Variants in INO80 observed in about 807,000 individuals in gnomAD.
INO80 encodes INO80 complex ATPase subunit.
INO80 carries 20 observed loss-of-function variants against 203.4 expected under a neutral mutation model. That is an observed-to-expected ratio of 0.10 (90% confidence interval 0.07 to 0.14). The LOEUF is 0.14. INO80 is among the 10% of genes least tolerant of loss of function. INO80 has a pLI of 1.00. For missense variants in INO80, 1,419 were observed against 1,914.4 expected, an observed-to-expected ratio of 0.74 and a Z score of 4.83; for synonymous variants, 726 against 685.2, an observed-to-expected ratio of 1.06 and a Z score of -0.93.
chr15:41,079,520 G>A (rs1420124962), intron 9 of INO80, among the ~76,000 whole-genome samples, 181 bp downstream of exon 9: 5 of 148,468 alleles, frequency 3.4e-5, no homozygotes, highest in South Asian at 4.2e-4. Context: ...CGGATCACTC[G>A]AAGCTCAGGA....
At chr15:41,004,704 C>A (rs1436998730) in intron 28 of INO80, 1 of 152,228 alleles carries the variant, frequency 6.6e-6, no homozygotes, top group Non-Finnish European at 1.5e-5. Flanking sequence ...ATTGAAATTT[C>A]ATAGGCTCAT....
intron 33 of INO80, 34 bp from the exon 34 acceptor site, chr15:40,983,955 C>G (rs772040355): frequency 5.6e-6 from 9 of 1,605,480 alleles, no homozygotes; most frequent in Admixed American, 3.3e-5. Flanking sequence ...ATTACGACCC[C>G]CTGTGCTCAC....
chr15:41,075,486 C>G (rs2045389827), intron 9 of INO80, among the ~76,000 whole-genome samples: 1 of 151,522 alleles, frequency 6.6e-6, no homozygotes, highest in Non-Finnish European at 1.5e-5. Context: ...GCAGAGTCTC[C>G]CTCTGTCGCC....
rs577361591 is a variant in INO80 at position 41,099,967 on chromosome 15, T to C, written c.-43-3614A>G. ...TGCTTGGCTCCATCCCAAGCTTTTA[T>C]TACAGAACAATTAATCCATGCTCTA... On this transcript the variant is annotated intron_variant, in intron 1 of 35. Coordinates refer to ENST00000648947, the MANE Select transcript of INO80 (RefSeq NM_017553.3). Among the ~76,000 whole-genome samples the C allele has an allele frequency of 5.9e-5, 9 of 152,260 alleles. No individual in the cohort carries two copies. In the East Asian group the frequency reaches 1.7e-3, roughly 29 times the overall value.
In INO80 at chr15:41,016,211, C is replaced by T. The variant is rs780291674; in HGVS notation, c.3279G>A (p.Lys1093=). ...TTCCACTGTCAGTGATGAGGCTCTCCTTGCCTGGGGAGAAGAAAAGGGGGT... is the reference window on the plus strand; with the variant it reads ...TTCCACTGTCAGTGATGAGGCTCTCTTTGCCTGGGGAGAAGAAAAGGGGGT... ...NGWSFIRIPG[K]ESLITDSGKL... Residue 1093 remains lysine, a synonymous_variant, in exon 27 of 36, where the codon AAG becomes AAA. Coordinates refer to ENST00000648947, the MANE Select transcript of INO80 (RefSeq NM_017553.3). The T allele has an allele frequency of 2.1e-5, 34 of 1,613,340 alleles. No homozygotes were observed. The Admixed American group carries it at 4.3e-4, about 21-fold the overall frequency.
chr15:40,981,307 C>T (rs1566896833), intron 35 of INO80, among the ~76,000 whole-genome samples: 1 of 152,152 alleles, frequency 6.6e-6, no homozygotes, highest in Non-Finnish European at 1.5e-5. Context: ...GCCCTCTACA[C>T]AGTGCAGGTT....
At chr15:41,003,691 A>C (rs551448774) in intron 28 of INO80, among the ~76,000 whole-genome samples, 1 of 152,330 alleles carries the variant, frequency 6.6e-6, no homozygotes, top group East Asian at 1.9e-4. Context: ...TATAATCTAT[A>C]AAGTCCCCAA....
At chr15:41,072,641 CAA>C (rs747499405) in intron 11 of INO80, among the ~76,000 whole-genome samples, 1,118 of 45,914 alleles carry the variant, frequency 0.024, 11 homozygotes, top group African/African-American at 0.083. Flanking sequence ...ACTCCCGCCT[CAA>C]AAAAAAAAAA....
intron 18 of INO80, 115 bp downstream of exon 18, chr15:41,055,132 C>T (rs1395699459): frequency 5.5e-5 from 30 of 546,936 alleles, no homozygotes; most frequent in Non-Finnish European, 8.9e-5. Context: ...TTTTCTTCCC[C>T]GCTGATTTGT....
At chr15:41,114,123 TG>T (rs2140724585) in intron 1 of INO80, among the ~76,000 whole-genome samples, 1 of 150,748 alleles carries the variant, frequency 6.6e-6, no homozygotes, top group South Asian at 2.1e-4. Context: ...AAAAATTAGC[TG>T]GGTGTGGTGG....
chr15:41,055,883 T>C (rs980522617), intron 17 of INO80, among the ~76,000 whole-genome samples: 10 of 151,956 alleles, frequency 6.6e-5, no homozygotes, highest in African/African-American at 2.2e-4. Flanking sequence ...CATGATTGCA[T>C]GGCCTCCAAA....
chr15:41,051,703 C>T (rs2044873863), intron 19 of INO80, among the ~76,000 whole-genome samples: 1 of 151,958 alleles, frequency 6.6e-6, no homozygotes, highest in South Asian at 2.1e-4. Flanking sequence ...GCCTATAATC[C>T]CAGCACTTTG....
intron 27 of INO80, among the ~76,000 whole-genome samples, chr15:41,011,167 C>CT (rs2044128780): frequency 6.6e-6 from 1 of 152,214 alleles, no homozygotes; most frequent in Admixed American, 6.5e-5. Context: ...TTACATCTGG[C>CT]TTCCTTAGTC....
Position 41,045,010 on chromosome 15 carries a change from G to A in INO80, c.2801C>T (p.Ala934Val), listed in dbSNP as rs756315029. Reference sequence around the variant, plus strand: ...TCTCTGGTGGCTCTCCCCTTCTGGCGCTCCCCAGGAGCGTAGCTGATGGAG... The same window carrying A: ...TCTCTGGTGGCTCTCCCCTTCTGGCACTCCCCAGGAGCGTAGCTGATGGAG... ...YRLHQLRSWG[A>V]PEGESHQRYL... The change falls in exon 24 of 36, where the codon GCG becomes GTG. Residue 934 changes from alanine (A) to valine (V), a missense_variant. Around this residue, in one of 9 missense-constraint regions of INO80, gnomAD observed 302 missense variants for 345.4 expected, o/e 0.87. Transcript: ENST00000648947. 1.9e-6 allele frequency: 3 copies of A among 1,613,832 alleles called. No individual in the cohort carries two copies. The highest frequency in any genetic ancestry group is 2.5e-6 in the Non-Finnish European group (3 of 1,179,922).
At chr15:41,083,767 G>C (rs990332765) in intron 7 of INO80, among the ~76,000 whole-genome samples, 2 of 150,062 alleles carry the variant, frequency 1.3e-5, no homozygotes, top group African/African-American at 4.9e-5. Context: ...AGTTTAAAAA[G>C]TGTCATACTA....
intron 24 of INO80, among the ~76,000 whole-genome samples, chr15:41,041,136 C>T (rs911696959): frequency 1.3e-4 from 20 of 152,156 alleles, no homozygotes; most frequent in Admixed American, 3.9e-4. Context: ...GTGGGATCAC[C>T]GTTTATTGTA....
intron 14 of INO80, among the ~76,000 whole-genome samples, chr15:41,063,679 C>A (rs1453327867): frequency 1.3e-5 from 2 of 151,580 alleles, no homozygotes; most frequent in Non-Finnish European, 2.9e-5. Flanking sequence ...AAGGCTGAGA[C>A]AGAATTGCTT....
At chr15:41,010,505 C>T (rs1195069274) in intron 27 of INO80, among the ~76,000 whole-genome samples, 1 of 151,742 alleles carries the variant, frequency 6.6e-6, no homozygotes, top group African/African-American at 2.4e-5. Context: ...TAAAGTGACA[C>T]AGGCAGTAGG....
At chr15:41,082,912 T>C (rs575839787) in intron 7 of INO80, among the ~76,000 whole-genome samples, 2 of 151,144 alleles carry the variant, frequency 1.3e-5, no homozygotes, top group African/African-American at 2.4e-5. Flanking sequence ...ATTTCTTTCA[T>C]TGAAAGGACA....
Sources: gnomAD v4.1 joint callset for allele counts (sites outside exome capture counted in the v4.1 genomes callset) on GRCh38, gnomAD v4.1.1 for gene constraint, gnomAD v4.1.1 regional missense constraint, MANE v1.5 for transcripts, NCBI Gene and HGNC (gene_info 2026-07-23, HGNC 2026-07-21) for gene names.